Variants in STXBP5L observed in about 807,000 individuals in gnomAD.
STXBP5L encodes the protein syntaxin-binding protein 5-like.
In STXBP5L, 65 loss-of-function variants were observed where a neutral mutation model predicts 144.5. The observed-to-expected ratio is 0.45, with a 90% CI of 0.37 to 0.55. The LOEUF (loss-of-function observed/expected upper bound fraction) is 0.55. Among genes scored for constraint, STXBP5L ranks in the 20% least tolerant of loss-of-function variants. STXBP5L has a pLI of 0.00. For missense variants in STXBP5L, 1,298 were observed against 1,405.5 expected, an observed-to-expected ratio of 0.92 and a Z score of 1.22; for synonymous variants, 505 against 469.6, an observed-to-expected ratio of 1.08 and a Z score of -0.97.
chr3:121,063,837 C>T (rs952646625), intron 5 of STXBP5L, among the ~76,000 whole-genome samples: 11 of 152,012 alleles, frequency 7.2e-5, no homozygotes, highest in Non-Finnish European at 1.5e-4. Flanking sequence ...GGACGCCCCT[C>T]CCCCCACCAA....
intron 3 of STXBP5L, among the ~76,000 whole-genome samples, chr3:121,013,796 C>A (rs1487001555): frequency 6.6e-6 from 1 of 151,920 alleles, no homozygotes; most frequent in Non-Finnish European, 1.5e-5. Flanking sequence ...AGTCTTTAAT[C>A]CATTTTAAGT....
At chr3:120,964,576 C>A (rs1312391066) in intron 3 of STXBP5L, among the ~76,000 whole-genome samples, 6 of 151,990 alleles carry the variant, frequency 3.9e-5, no homozygotes, top group Admixed American at 3.3e-4. Context: ...TGTGGTTGTG[C>A]GGTTTTGAGT....
intron 19 of STXBP5L, among the ~76,000 whole-genome samples, chr3:121,296,705 C>A (rs752566864): frequency 1.3e-5 from 2 of 152,026 alleles, no homozygotes; most frequent in Non-Finnish European, 2.9e-5. Context: ...GATAGATAGA[C>A]AGACTGAAAG....
chr3:121,368,550 T>A (rs1000727855), intron 20 of STXBP5L, among the ~76,000 whole-genome samples: 1 of 152,042 alleles, frequency 6.6e-6, no homozygotes, highest in Non-Finnish European at 1.5e-5. Context: ...ACATTATGAT[T>A]TTTTTTGTTT....
intron 3 of STXBP5L, among the ~76,000 whole-genome samples, chr3:120,968,428 T>C (rs1311894045): frequency 6.6e-6 from 1 of 152,204 alleles, no homozygotes; most frequent in Admixed American, 6.5e-5. Context: ...ACTGCTGCTG[T>C]ATGTTGGCTT....
intron 19 of STXBP5L, among the ~76,000 whole-genome samples, chr3:121,315,869 G>A (rs990836075): frequency 4.0e-5 from 6 of 151,880 alleles, no homozygotes; most frequent in Non-Finnish European, 8.8e-5. Context: ...GGGCTTGGTG[G>A]CACACACCTG....
chr3:121,170,256 A>G (rs1253297781), intron 9 of STXBP5L, among the ~76,000 whole-genome samples: 1 of 152,214 alleles, frequency 6.6e-6, no homozygotes, highest in East Asian at 1.9e-4. Flanking sequence ...AAGATCTAAA[A>G]TTGACACCCT....
At chr3:121,017,535 A>G (rs985184708) in intron 3 of STXBP5L, among the ~76,000 whole-genome samples, 34 of 152,238 alleles carry the variant, frequency 2.2e-4, no homozygotes, top group African/African-American at 7.7e-4. Flanking sequence ...TATGTAGCAC[A>G]TCCCACAGAA....
At chr3:120,973,837 T>C (rs958425025) in intron 3 of STXBP5L, among the ~76,000 whole-genome samples, 2 of 152,126 alleles carry the variant, frequency 1.3e-5, no homozygotes, top group African/African-American at 2.4e-5. Flanking sequence ...AATGATGATT[T>C]CCAATTTCAT....
At chr3:121,398,666 G>C (rs2046795277) in intron 22 of STXBP5L, among the ~76,000 whole-genome samples, 1 of 152,092 alleles carries the variant, frequency 6.6e-6, no homozygotes. Flanking sequence ...ACAAGCCCCA[G>C]GAAATGAGTA....
chr3:121,366,126 C>T (rs931089843), intron 20 of STXBP5L, among the ~76,000 whole-genome samples: 3 of 151,910 alleles, frequency 2.0e-5, no homozygotes, highest in South Asian at 4.2e-4. Flanking sequence ...ATAGAAGACA[C>T]TTTGTATGGC....
At chr3:121,079,242 A>T (rs1373172029) in intron 5 of STXBP5L, among the ~76,000 whole-genome samples, 1 of 152,246 alleles carries the variant, frequency 6.6e-6, no homozygotes, top group Non-Finnish European at 1.5e-5. Flanking sequence ...TAAGGTGGGA[A>T]CTATGTGAGG....
intron 18 of STXBP5L, among the ~76,000 whole-genome samples, chr3:121,261,991 T>C (rs1294380982): frequency 3.3e-5 from 5 of 152,224 alleles, no homozygotes; most frequent in African/African-American, 1.2e-4. Context: ...TGCTTTGCTC[T>C]CTGCTTCAAA....
intron 5 of STXBP5L, among the ~76,000 whole-genome samples, chr3:121,101,383 G>C (rs773125656): frequency 2.6e-5 from 4 of 152,006 alleles, no homozygotes; most frequent in Non-Finnish European, 4.4e-5. Context: ...ACAACAAAAA[G>C]TTAATTCACC....
chr3:121,213,994 A>G (rs2048681247), intron 10 of STXBP5L, among the ~76,000 whole-genome samples: 1 of 152,160 alleles, frequency 6.6e-6, no homozygotes, highest in Admixed American at 6.5e-5. Context: ...TTATTTGCAT[A>G]GAGGTGCTTA....
At chr3:121,059,197 C>T (rs1948652446) in intron 5 of STXBP5L, among the ~76,000 whole-genome samples, 1 of 152,150 alleles carries the variant, frequency 6.6e-6, no homozygotes, top group Non-Finnish European at 1.5e-5. Context: ...ATGTGGCTAG[C>T]CAGTTTTCCC....
At chr3:121,096,110 C>T (rs768559592) in intron 5 of STXBP5L, among the ~76,000 whole-genome samples, 1 of 124,142 alleles carries the variant, frequency 8.1e-6, no homozygotes, top group Non-Finnish European at 1.6e-5. Context: ...CACTATCCTG[C>T]CCCCCACTGT....
At chr3:121,014,597 G>A (rs566727493) in intron 3 of STXBP5L, among the ~76,000 whole-genome samples, 3 of 148,974 alleles carry the variant, frequency 2.0e-5, no homozygotes, top group Admixed American at 7.0e-5. Flanking sequence ...TGGCTATTAT[G>A]AATACCAAAC....
At chr3:120,990,818 C>G (rs1032468945) in intron 3 of STXBP5L, among the ~76,000 whole-genome samples, 2 of 152,098 alleles carry the variant, frequency 1.3e-5, no homozygotes. Flanking sequence ...ACACGTTATA[C>G]AAAAATTAAT....
Sources: gnomAD v4.1 joint callset for allele counts (sites outside exome capture counted in the v4.1 genomes callset) on GRCh38, gnomAD v4.1.1 for gene constraint, MANE v1.5 for transcripts, NCBI Gene and HGNC (gene_info 2026-07-23, HGNC 2026-07-21) for gene names.